Variants in ANKS1B observed in about 807,000 individuals in gnomAD.
ANKS1B encodes ankyrin repeat and sterile alpha motif domain containing 1B, also known as ankyrin repeat and sterile alpha motif domain-containing protein 1B.
Under a neutral mutation model 148.3 loss-of-function variants are expected in ANKS1B, and 36 were observed. That is an observed-to-expected ratio of 0.24 (90% confidence interval 0.19 to 0.32). The LOEUF (loss-of-function observed/expected upper bound fraction) is 0.32, where lower values mean the gene tolerates loss of function less well. Ranked by LOEUF, ANKS1B falls within the 10% of genes least tolerant of loss-of-function variation. ANKS1B has a pLI of 1.00. For missense variants in ANKS1B, 1,157 were observed against 1,542.6 expected, an observed-to-expected ratio of 0.75 and a Z score of 4.19; for synonymous variants, 542 against 560.8, an observed-to-expected ratio of 0.97 and a Z score of 0.47.
intron 12 of ANKS1B, among the ~76,000 whole-genome samples, chr12:99,247,735 A>G (rs1390080735): frequency 1.3e-5 from 2 of 152,230 alleles, no homozygotes; most frequent in African/African-American, 4.8e-5. Flanking sequence ...TTTCAAAGAC[A>G]TACTGTGTAA....
chr12:98,975,740 G>A (rs1029553709), intron 17 of ANKS1B, among the ~76,000 whole-genome samples: 1 of 152,074 alleles, frequency 6.6e-6, no homozygotes, highest in East Asian at 1.9e-4. Flanking sequence ...CCACATGCCT[G>A]GAGAACAAAT....
At position 99,083,045 on chromosome 12, in the gene ANKS1B, G is replaced by A. The variant is rs1456764493; in HGVS notation, c.2625+1880C>T. ...GAATTACTTCCTGAATTGGTTCTAA[G>A]GATGTTTTATTCTTTTCCATTTAGT... is the stretch of plus-strand genomic sequence containing the variant. On this transcript the variant is annotated intron_variant, in intron 16 of 26. Coordinates refer to ENST00000683438, the MANE Select transcript of ANKS1B (RefSeq NM_001352186.2). Among the ~76,000 whole-genome samples the A allele has an allele frequency of 2.6e-5, 4 of 152,046 alleles. No individual in the cohort carries two copies. In the South Asian group the frequency reaches 8.3e-4, roughly 31 times the overall value.
chr12:99,415,974 C>T (rs368952158), intron 11 of ANKS1B, among the ~76,000 whole-genome samples: 27 of 152,110 alleles, frequency 1.8e-4, no homozygotes, highest in African/African-American at 5.8e-4. Flanking sequence ...TGAACCACCG[C>T]GCCAGGCCCC....
chr12:98,857,547 G>A (rs2099578186), intron 17 of ANKS1B, among the ~76,000 whole-genome samples: 2 of 151,764 alleles, frequency 1.3e-5, no homozygotes, highest in South Asian at 4.2e-4. Flanking sequence ...ACTTGGATAA[G>A]TCTAGAGAAG....
At chr12:99,802,135 GT>G (rs1567875337) in intron 4 of ANKS1B, among the ~76,000 whole-genome samples, 1 of 152,116 alleles carries the variant, frequency 6.6e-6, no homozygotes, top group Non-Finnish European at 1.5e-5. Flanking sequence ...ATCTTACTTA[GT>G]TTTGCATCTT....
At chr12:98,762,890 G>C (rs995835047) in intron 25 of ANKS1B, among the ~76,000 whole-genome samples, 1 of 152,246 alleles carries the variant, frequency 6.6e-6, no homozygotes, top group Admixed American at 6.5e-5. Context: ...AGGTGCTCAA[G>C]AAATGTTTGT....
rs918641961 is a variant in ANKS1B, at chr12:99,683,953, C to T, written c.1129-28743G>A. On this transcript the variant is annotated intron_variant, in intron 8 of 26. Transcript: ENST00000683438. Reference sequence around the variant, plus strand: ...CTCAGTAAAATTGGCATAGAAGGGACATATCTTAAGGTAATAAAATCCATC... The same window carrying T: ...CTCAGTAAAATTGGCATAGAAGGGATATATCTTAAGGTAATAAAATCCATC... Among the ~76,000 whole-genome samples, 38 of 152,140 alleles carry T rather than the reference C, an allele frequency of 2.5e-4. 1 individual carries two copies. The highest frequency in any genetic ancestry group is 2.0e-3 in the Admixed American group (30 of 15,264).
Position 99,046,478 on chromosome 12 carries a change from T to C in ANKS1B, c.2778+6679A>G, listed in dbSNP as rs536470799. On this transcript the variant is annotated intron_variant, in intron 17 of 26. Coordinates refer to ENST00000683438, the MANE Select transcript of ANKS1B (RefSeq NM_001352186.2). ...GTTCCACAAGTTGGAGGAAACAGCA[T>C]GTTTAATAGAGACAGAAAATATAAG... 1.8e-4 allele frequency among the ~76,000 whole-genome samples: 27 copies of C among 152,290 alleles called. No homozygotes were observed. The South Asian group carries it at 5.2e-3, about 29-fold the overall frequency.
chr12:98,812,356 G>T (rs929806509), intron 19 of ANKS1B, among the ~76,000 whole-genome samples: 1 of 152,142 alleles, frequency 6.6e-6, no homozygotes, highest in Admixed American at 6.5e-5. Context: ...GGAGCAATAG[G>T]CTAGATCATA....
intron 16 of ANKS1B, among the ~76,000 whole-genome samples, chr12:99,057,764 C>T (rs2040764535): frequency 6.6e-6 from 1 of 152,166 alleles, no homozygotes; most frequent in Non-Finnish European, 1.5e-5. Context: ...CTCTGTGCTC[C>T]TGTGTTCTAC....
At chr12:99,025,044 C>T (rs565679544) in intron 17 of ANKS1B, among the ~76,000 whole-genome samples, 9 of 152,246 alleles carry the variant, frequency 5.9e-5, no homozygotes, top group African/African-American at 1.4e-4. Context: ...GGTGATTCCC[C>T]GGTAACTCTG....
chr12:99,170,732 T>A (rs1028103238), intron 14 of ANKS1B, among the ~76,000 whole-genome samples: 1 of 152,072 alleles, frequency 6.6e-6, no homozygotes, highest in Non-Finnish European at 1.5e-5. Context: ...TGATCAGAAT[T>A]CCCACACCCA....
intron 17 of ANKS1B, among the ~76,000 whole-genome samples, chr12:98,851,075 T>A (rs1319224216): frequency 6.6e-6 from 1 of 152,174 alleles, no homozygotes; most frequent in African/African-American, 2.4e-5. Context: ...ATTTTGAGAG[T>A]CATGCCTTGA....
At chr12:99,179,255 C>T (rs923279694) in intron 14 of ANKS1B, among the ~76,000 whole-genome samples, 10 of 151,436 alleles carry the variant, frequency 6.6e-5, no homozygotes, top group Admixed American at 1.3e-4. Context: ...GGTGAAACCC[C>T]GTCTCTACTA....
chr12:98,744,258 CTG>C lies in ANKS1B; in HGVS notation c.*1479_*1480del. The C allele has an allele frequency of 1.1e-6, 1 of 949,732 alleles. No homozygotes were observed. Among genetic ancestry groups the C allele is most frequent in the Non-Finnish European group, 1.3e-6 (1 of 797,184 alleles). 58.8% of individuals were successfully genotyped at this position (949,732 alleles called of 1,614,324 possible). A position where few individuals can be genotyped will look rare whatever the true frequency, so the allele number is the denominator to read the frequency against. On this transcript the variant is annotated 3_prime_UTR_variant, in exon 27 of 27. Transcript: ENST00000683438. ...AATATTGTATTAAAATTCTTCAACACTGAACTAAAACCGTATACATTTGTTAG... is the reference window on the plus strand; with the variant it reads ...AATATTGTATTAAAATTCTTCAACACAACTAAAACCGTATACATTTGTTAG...
chr12:99,963,701 T>G (rs900968600), intron 1 of ANKS1B, among the ~76,000 whole-genome samples: 3 of 152,324 alleles, frequency 2.0e-5, no homozygotes, highest in African/African-American at 7.2e-5. Context: ...GATAGTAACT[T>G]AAAGCTTGGG....
chr12:99,019,707 G>A (rs1306982921), intron 17 of ANKS1B, among the ~76,000 whole-genome samples: 1 of 151,964 alleles, frequency 6.6e-6, no homozygotes, highest in African/African-American at 2.4e-5. Context: ...TTTCTTTACG[G>A]ACTTTATATG....
chr12:99,530,480 T>A (rs1314540798), intron 9 of ANKS1B, among the ~76,000 whole-genome samples: 1 of 152,170 alleles, frequency 6.6e-6, no homozygotes, highest in African/African-American at 2.4e-5. Flanking sequence ...CACTTATCCA[T>A]AACTCTCCAC....
chr12:99,658,802 A>G (rs2098462267), intron 8 of ANKS1B, among the ~76,000 whole-genome samples: 1 of 152,182 alleles, frequency 6.6e-6, no homozygotes, highest in East Asian at 1.9e-4. Flanking sequence ...ATTTTTTACC[A>G]TAAAAGAGTT....
Sources: allele counts gnomAD v4.1 joint callset (sites outside exome capture counted in the v4.1 genomes callset), GRCh38; gene constraint gnomAD v4.1.1; transcripts MANE v1.5; gene names NCBI Gene and HGNC (gene_info 2026-07-23, HGNC 2026-07-21).